Variants in PCDHGA11 observed in about 807,000 individuals in gnomAD.
PCDHGA11 encodes the protein protocadherin gamma-A11.
PCDHGA11 carries 39 observed loss-of-function variants against 60.4 expected under a neutral mutation model. The ratio of observed to expected loss-of-function variants is 0.65; its 90% CI spans 0.50 to 0.84. The LOEUF is 0.84. PCDHGA11 is among the 40% of genes least tolerant of loss of function. PCDHGA11 has a pLI of 0.00. For missense variants in PCDHGA11, 1,165 were observed against 1,197.7 expected (o/e 0.97, Z 0.40); for synonymous variants, 533 against 510.3 (o/e 1.04, Z -0.60).
rs577239742 is a variant in PCDHGA11 at position 141,501,564 on chromosome 5, T to C, written c.2493-3829T>C. ...CATAAGATCATAGGCCCTGGAATCA[T>C]ATTAGGCTGGCTTTCAGGTTGCAAC... On this transcript the variant is annotated intron_variant, in intron 2 of 3. Coordinates refer to ENST00000398587, the MANE Select transcript of PCDHGA11 (RefSeq NM_018914.3). 5.9e-5 allele frequency among the ~76,000 whole-genome samples: 9 copies of C among 152,194 alleles called. No individual in the cohort carries two copies. The South Asian group carries it at 1.7e-3, about 28-fold the overall frequency.
intron 2 of PCDHGA11, among the ~76,000 whole-genome samples, chr5:141,504,280 C>T (rs1027657223): frequency 6.6e-6 from 1 of 152,076 alleles, no homozygotes; most frequent in Admixed American, 6.6e-5. Context: ...AATTATGAAT[C>T]ATTTCATGTT....
chr5:141,432,481 C>G lies in PCDHGA11; in HGVS notation c.2433+8821C>G. 6.2e-7 allele frequency: 1 copy of G among 1,614,198 alleles called. No homozygotes were observed. On this transcript the variant is annotated intron_variant, in intron 1 of 3. Coordinates refer to ENST00000398587, the MANE Select transcript of PCDHGA11 (RefSeq NM_018914.3). This position sits in a 1 kb window ranked among gnomAD's most constrained non-coding sequence, Gnocchi z 6.0. ...CCCTCCCCACGGACGGTTCCACTGG[C>G]GTGGAGCTGGCTCCCCGCTCCGCAG...
At chr5:141,502,512 T>C (rs1029375922) in intron 2 of PCDHGA11, among the ~76,000 whole-genome samples, 2 of 152,212 alleles carry the variant, frequency 1.3e-5, no homozygotes, top group East Asian at 1.9e-4. Context: ...CCTGTCCCAC[T>C]ATCAGTGATG....
chr5:141,423,481 C>G lies in PCDHGA11; in HGVS notation c.2254C>G (p.Gln752Glu). ...VGVDGVQAFL[Q>E]TYSHEVSLIA... Reference sequence around the variant, plus strand: ...CGTGGACGGGGTACAGGCTTTCCTGCAAACCTATTCCCACGAGGTCTCTCT... The same window carrying G: ...CGTGGACGGGGTACAGGCTTTCCTGGAAACCTATTCCCACGAGGTCTCTCT... Residue 752 changes from glutamine (Q) to glutamate (E), a missense_variant, in exon 1 of 4, where the codon CAA becomes GAA. Physicochemically the swap from Gln to Glu is conservative, Grantham distance 29 (BLOSUM62 2). Transcript: ENST00000398587. 6.2e-7 allele frequency: 1 copy of G among 1,613,908 alleles called. No individual in the cohort carries two copies. The highest frequency in any genetic ancestry group is 1.1e-5 in the South Asian group (1 of 91,064).
intron 1 of PCDHGA11, among the ~76,000 whole-genome samples, chr5:141,469,967 C>G (rs2099217411): frequency 6.6e-6 from 1 of 152,124 alleles, no homozygotes; most frequent in Admixed American, 6.6e-5. Flanking sequence ...CCCATCTGTA[C>G]CAAAAATACA....
intron 1 of PCDHGA11, chr5:141,484,853 G>T (rs747582810): frequency 2.5e-4 from 64 of 251,466 alleles, no homozygotes; most frequent in Non-Finnish European, 4.3e-4. Flanking sequence ...GGGTTTTTTG[G>T]GGGGTGGGGG....
intron 1 of PCDHGA11, chr5:141,475,934 G>C (rs754356530): frequency 3.0e-6 from 2 of 665,118 alleles, no homozygotes; most frequent in Non-Finnish European, 5.0e-6. Context: ...TCGGGCCCCT[G>C]CCCGTCCCCT....
rs2099615088 is a variant in PCDHGA11, at chr5:141,485,526, G to A, written c.2434-9281G>A. On this transcript the variant is annotated intron_variant, in intron 1 of 3. Coordinates refer to ENST00000398587, the MANE Select transcript of PCDHGA11 (RefSeq NM_018914.3). The surrounding 1 kb of genome is among the most constrained non-coding windows in gnomAD (Gnocchi z 5.7). Reference sequence around the variant, plus strand: ...ACCGAAGGTCCTTTGGAAATGTACCGAGCAGAGGTAGAGATCGTAGATGTG... The same window carrying A: ...ACCGAAGGTCCTTTGGAAATGTACCAAGCAGAGGTAGAGATCGTAGATGTG... 6.2e-7 allele frequency: 1 copy of A among 1,614,154 alleles called. No individual in the cohort carries two copies. The highest frequency in any genetic ancestry group is 2.2e-5 in the East Asian group (1 of 44,880).
chr5:141,439,697 A>T (rs2098127217), intron 1 of PCDHGA11, among the ~76,000 whole-genome samples: 1 of 152,218 alleles, frequency 6.6e-6, no homozygotes, highest in Non-Finnish European at 1.5e-5. Flanking sequence ...CAACATTCCT[A>T]TTATGGCTCC....
At chr5:141,482,768 CTGA>C (rs2099572195) in intron 1 of PCDHGA11, among the ~76,000 whole-genome samples, 1 of 126,868 alleles carries the variant, frequency 7.9e-6, no homozygotes, top group Admixed American at 7.7e-5. Flanking sequence ...TTCATTATCA[CTGA>C]ACCTTAAACT....
intron 3 of PCDHGA11, among the ~76,000 whole-genome samples, chr5:141,508,711 T>G (rs1201917424): frequency 6.6e-6 from 1 of 152,058 alleles, no homozygotes; most frequent in Admixed American, 6.5e-5. Flanking sequence ...CTCATTCTTT[T>G]CTGTGTGCAG....
chr5:141,459,253 ATTAGTGTTGCCTCT>A (rs1439680561), intron 1 of PCDHGA11, among the ~76,000 whole-genome samples: 1 of 152,174 alleles, frequency 6.6e-6, no homozygotes, highest in African/African-American at 2.4e-5. Context: ...GTCACTATAA[ATTAGTGTTGCCTCT>A]TTCAGAATTT....
At chr5:141,466,684 G>A (rs1337230884) in intron 1 of PCDHGA11, among the ~76,000 whole-genome samples, 1 of 152,034 alleles carries the variant, frequency 6.6e-6, no homozygotes, top group Non-Finnish European at 1.5e-5. Flanking sequence ...TTCCACTCAA[G>A]CTTCATCATA....
chr5:141,491,208 C>G lies in PCDHGA11; in HGVS notation c.2434-3599C>G. 6.2e-7 allele frequency: 1 copy of G among 1,614,204 alleles called. No individual in the cohort carries two copies. Among genetic ancestry groups the G allele is most frequent in the Non-Finnish European group, 8.5e-7 (1 of 1,180,026 alleles). ...TGAGGGACAATGGTGACCCTTCACTCTCCTCCACAGCCACAGTGCTGCTGG... is the reference window on the plus strand; with the variant it reads ...TGAGGGACAATGGTGACCCTTCACTGTCCTCCACAGCCACAGTGCTGCTGG... On this transcript the variant is annotated intron_variant, in intron 1 of 3. Coordinates refer to ENST00000398587, the MANE Select transcript of PCDHGA11 (RefSeq NM_018914.3). This position sits in a 1 kb window ranked among gnomAD's most constrained non-coding sequence, Gnocchi z 6.9.
intron 1 of PCDHGA11, among the ~76,000 whole-genome samples, chr5:141,445,961 G>T (rs944876169): frequency 1.3e-5 from 2 of 152,158 alleles, no homozygotes; most frequent in Non-Finnish European, 2.9e-5. Context: ...GCTATATGGA[G>T]AATTGATTTA....
intron 1 of PCDHGA11, among the ~76,000 whole-genome samples, chr5:141,448,917 C>T (rs913804081): frequency 2.6e-5 from 4 of 152,130 alleles, no homozygotes; most frequent in African/African-American, 9.7e-5. Context: ...TGCACTCCAG[C>T]CTGGGCGACA....
intron 1 of PCDHGA11, among the ~76,000 whole-genome samples, chr5:141,435,286 A>G (rs1179151461): frequency 6.6e-6 from 1 of 152,194 alleles, no homozygotes; most frequent in Non-Finnish European, 1.5e-5. Context: ...CAGTATCCCA[A>G]GTCATTTCAT....
Position 141,487,591 on chromosome 5 carries a change from C to G in PCDHGA11, c.2434-7216C>G, listed in dbSNP as rs2099653282. The G allele has an allele frequency of 1.2e-6, 2 of 1,614,176 alleles. No individual in the cohort carries two copies. The highest frequency in any genetic ancestry group is 1.7e-6 in the Non-Finnish European group (2 of 1,180,036). ...AGCCTGTTCGCCCAAGCTGCCCACC[C>G]TCTGATCTTCTCTATGGGCTAGAGG... is the stretch of plus-strand genomic sequence containing the variant. On this transcript the variant is annotated intron_variant, in intron 1 of 3. Coordinates refer to ENST00000398587, the MANE Select transcript of PCDHGA11 (RefSeq NM_018914.3). The surrounding 1 kb of genome is among the most constrained non-coding windows in gnomAD (Gnocchi z 5.0).
intron 1 of PCDHGA11, among the ~76,000 whole-genome samples, chr5:141,429,545 G>T (rs1200824675): frequency 6.6e-6 from 1 of 151,844 alleles, no homozygotes; most frequent in East Asian, 1.9e-4. Context: ...TAAGAACATG[G>T]TAATGATTTG....
Sources: gnomAD v4.1 joint callset for allele counts (sites outside exome capture counted in the v4.1 genomes callset) on GRCh38, gnomAD v4.1.1 for gene constraint, Gnocchi (gnomAD v3.1) non-coding constraint, MANE v1.5 for transcripts, NCBI Gene and HGNC (gene_info 2026-07-23, HGNC 2026-07-21) for gene names.